The following DGKB variants were observed in gnomAD, a reference collection of about 807,000 sequenced individuals.
The protein encoded by DGKB is 90 kDa diacylglycerol kinase.
DGKB carries 67 observed loss-of-function variants against 114.3 expected under a neutral mutation model. The observed-to-expected ratio is 0.59, with a 90% CI of 0.48 to 0.72. DGKB has a LOEUF of 0.72. Among genes scored for constraint, DGKB ranks in the 30% least tolerant of loss-of-function variants. The pLI is 0.00. For missense variants in DGKB, 907 were observed against 975.2 expected, an observed-to-expected ratio of 0.93 and a Z score of 0.93; for synonymous variants, 398 against 323.1, an observed-to-expected ratio of 1.23 and a Z score of -2.49.
chr7:14,523,302 A>T (rs1016427046), intron 20 of DGKB, among the ~76,000 whole-genome samples: 1 of 152,216 alleles, frequency 6.6e-6, no homozygotes, highest in African/African-American at 2.4e-5. Flanking sequence ...ACCACCTATG[A>T]AAAGAGACTA....
At chr7:14,917,636 C>T (rs1372080957) in intron 1 of DGKB, among the ~76,000 whole-genome samples, 2 of 151,886 alleles carry the variant, frequency 1.3e-5, no homozygotes, top group African/African-American at 4.8e-5. Context: ...CAATGATTAA[C>T]CTTTTAAAGC....
chr7:14,732,451 T>C (rs1831063230), intron 5 of DGKB, among the ~76,000 whole-genome samples: 1 of 152,176 alleles, frequency 6.6e-6, no homozygotes, highest in South Asian at 2.1e-4. Flanking sequence ...GGAAAGGCAT[T>C]TCTTTTGTCA....
chr7:14,689,483 T>A (rs536962829), intron 9 of DGKB, among the ~76,000 whole-genome samples: 1 of 152,230 alleles, frequency 6.6e-6, no homozygotes, highest in African/African-American at 2.4e-5. Flanking sequence ...AACTTCTCTT[T>A]TAGACAAAAA....
chr7:14,915,457 G>A lies in DGKB; in HGVS notation c.-188+59239C>T, dbSNP rs190566713. On this transcript the variant is annotated intron_variant, in intron 1 of 4. Transcript: ENST00000437998. ...CTGTCTTCCAAAATTAATGGCAGAC[G>A]CTAAACCACAGATCCAAGAAACTCA... Among the ~76,000 whole-genome samples the A allele has an allele frequency of 5.3e-5, 8 of 152,222 alleles. No homozygotes were observed. The East Asian group carries it at 7.7e-4, about 15-fold the overall frequency.
At chr7:14,695,771 T>G (rs1342659579) in intron 8 of DGKB, among the ~76,000 whole-genome samples, 1 of 151,940 alleles carries the variant, frequency 6.6e-6, no homozygotes, top group East Asian at 2.0e-4. Context: ...CCTCCCAAAG[T>G]GCTCGGATTA....
intron 21 of DGKB, among the ~76,000 whole-genome samples, chr7:14,475,359 C>T (rs1262912808): frequency 6.6e-6 from 1 of 152,094 alleles, no homozygotes; most frequent in African/African-American, 2.4e-5. Flanking sequence ...GTCTTCCTCA[C>T]AGAAATTCAT....
chr7:14,279,441 A>T (rs1799556324), intron 23 of DGKB, among the ~76,000 whole-genome samples: 2 of 152,174 alleles, frequency 1.3e-5, no homozygotes, highest in Non-Finnish European at 2.9e-5. Context: ...GCACAGACAA[A>T]CAAAAAGACA....
intron 24 of DGKB, among the ~76,000 whole-genome samples, chr7:14,177,373 G>A (rs1781917690): frequency 6.6e-6 from 1 of 151,840 alleles, no homozygotes; most frequent in Admixed American, 6.6e-5. Flanking sequence ...TGACCAACAT[G>A]GTGAAACCCC....
chr7:14,602,105 T>C (rs948842163), intron 17 of DGKB, among the ~76,000 whole-genome samples: 27 of 152,174 alleles, frequency 1.8e-4, no homozygotes, highest in African/African-American at 5.3e-4. Flanking sequence ...TAGTCCATTC[T>C]AGCAGCTATA....
At chr7:14,475,790 T>C (rs2884348) in intron 21 of DGKB, among the ~76,000 whole-genome samples, 50,012 of 151,984 alleles carry the variant, frequency 0.33, 8,807 homozygotes, top group South Asian at 0.43. Context: ...TCTAATCACA[T>C]ACTGAGCAGT....
chr7:14,206,272 G>A (rs1786805414), intron 23 of DGKB, among the ~76,000 whole-genome samples: 2 of 151,962 alleles, frequency 1.3e-5, no homozygotes, highest in Admixed American at 6.6e-5. Context: ...TAGTTTGTAG[G>A]AAGAAAAATT....
At chr7:14,848,121 G>T (rs930175912) in intron 1 of DGKB, among the ~76,000 whole-genome samples, 3 of 152,146 alleles carry the variant, frequency 2.0e-5, no homozygotes, top group Admixed American at 6.5e-5. Flanking sequence ...ATATGAATAG[G>T]ACAAGAATGG....
At chr7:14,524,573 T>C (rs1584564685) in intron 20 of DGKB, among the ~76,000 whole-genome samples, 2 of 152,140 alleles carry the variant, frequency 1.3e-5, no homozygotes, top group Admixed American at 1.3e-4. Flanking sequence ...CTGAACAATA[T>C]GACAAAACCC....
At chr7:14,685,433 A>C in intron 9 of DGKB, 71 bp from the exon 10 acceptor site, 1 of 1,136,980 alleles carries the variant, frequency 8.8e-7, no homozygotes, top group Non-Finnish European at 1.3e-6. Context: ...TGCCAATGAA[A>C]TTCAGAGCTG....
At chr7:14,562,122 C>A (rs552748302) in intron 20 of DGKB, among the ~76,000 whole-genome samples, 1 of 152,204 alleles carries the variant, frequency 6.6e-6, no homozygotes, top group African/African-American at 2.4e-5. Flanking sequence ...CCAGAGGGTG[C>A]AAGCCCCAAG....
intron 23 of DGKB, among the ~76,000 whole-genome samples, chr7:14,189,868 A>G (rs140325858): frequency 2.2e-4 from 33 of 152,308 alleles, no homozygotes; most frequent in African/African-American, 7.9e-4. Flanking sequence ...ACAATTGTAA[A>G]TATATATGCA....
intron 21 of DGKB, among the ~76,000 whole-genome samples, chr7:14,456,212 A>G (rs1009684526): frequency 3.3e-5 from 5 of 152,090 alleles, no homozygotes; most frequent in African/African-American, 9.7e-5. Flanking sequence ...GACTTGGGTC[A>G]TATCACCAAA....
intron 21 of DGKB, among the ~76,000 whole-genome samples, chr7:14,453,847 T>C (rs1308225423): frequency 6.6e-6 from 1 of 152,158 alleles, no homozygotes; most frequent in Non-Finnish European, 1.5e-5. Flanking sequence ...TTTTATAAAG[T>C]AAGCAGAGGG....
chr7:14,949,703 A>T (rs1786070979), intron 1 of DGKB, among the ~76,000 whole-genome samples: 1 of 152,012 alleles, frequency 6.6e-6, no homozygotes, highest in Non-Finnish European at 1.5e-5. Context: ...ACACAGGCAT[A>T]CCATAGTAAA....
Sources: gnomAD v4.1 joint callset for allele counts (sites outside exome capture counted in the v4.1 genomes callset) on GRCh38, gnomAD v4.1.1 for gene constraint, MANE v1.5 for transcripts, NCBI Gene and HGNC (gene_info 2026-07-23, HGNC 2026-07-21) for gene names.